The following ERC1 variants were observed in gnomAD, a reference collection of about 807,000 sequenced individuals.
ERC1 encodes RAB6 interacting protein 2.
Under a neutral mutation model 132.0 loss-of-function variants are expected in ERC1, and 56 were observed. The observed-to-expected ratio is 0.42, with a 90% CI of 0.34 to 0.53. ERC1 has a LOEUF of 0.53. ERC1 is among the 20% of genes least tolerant of loss of function. The pLI is 0.03. For synonymous variants in ERC1, 478 were observed against 476.1 expected, an observed-to-expected ratio of 1.00 and a Z score of -0.05; for missense variants, 1,202 against 1,349.9, an observed-to-expected ratio of 0.89 and a Z score of 1.72.
intron 2 of ERC1, among the ~76,000 whole-genome samples, chr12:1,029,169 T>C (rs904558122): frequency 1.3e-5 from 2 of 152,054 alleles, no homozygotes; most frequent in Admixed American, 1.3e-4. Context: ...CCTGGCGACG[T>C]GGTGAAACCC....
intron 3 of ERC1, among the ~76,000 whole-genome samples, chr12:1,092,523 G>A (rs1365157635): frequency 1.3e-5 from 2 of 152,176 alleles, no homozygotes; most frequent in African/African-American, 4.8e-5. Context: ...TTGTTGTTCA[G>A]TGTTTCTGCA....
chr12:1,367,777 G>A (rs945113871), intron 15 of ERC1, among the ~76,000 whole-genome samples: 2 of 151,942 alleles, frequency 1.3e-5, no homozygotes, highest in African/African-American at 4.8e-5. Flanking sequence ...CAGGTCAAAG[G>A]GCAGGTTCAA....
chr12:1,224,676 A>C (rs2074413590), intron 12 of ERC1, among the ~76,000 whole-genome samples: 1 of 152,066 alleles, frequency 6.6e-6, no homozygotes, highest in South Asian at 2.1e-4. Context: ...CTGTAAAAAA[A>C]TGATAAAAAA....
At chr12:1,242,958 C>T (rs1440042054) in intron 13 of ERC1, among the ~76,000 whole-genome samples, 5 of 151,896 alleles carry the variant, frequency 3.3e-5, no homozygotes, top group South Asian at 2.1e-4. Flanking sequence ...GAGGCCGAGG[C>T]GGGTGGATCA....
intron 15 of ERC1, among the ~76,000 whole-genome samples, chr12:1,357,127 C>T (rs1370960496): frequency 1.3e-5 from 2 of 152,114 alleles, no homozygotes; most frequent in Non-Finnish European, 2.9e-5. Flanking sequence ...ATTGGAGCAG[C>T]TCCTACTTTT....
At chr12:1,483,636 G>A (rs1355811032) in intron 18 of ERC1, among the ~76,000 whole-genome samples, 2 of 126,096 alleles carry the variant, frequency 1.6e-5, no homozygotes, top group Non-Finnish European at 1.6e-5. Flanking sequence ...TAAAGTAAAA[G>A]TAAAATCAAA....
chr12:1,122,555 C>CTGTGCCTATTGATATATCTGTATATA (rs1947613115), intron 7 of ERC1, among the ~76,000 whole-genome samples: 1 of 27,836 alleles, frequency 3.6e-5, no homozygotes, highest in African/African-American at 1.4e-4. Context: ...GTGTCTCTAT[C>CTGTGCCTATTGATATATCTGTATATA]TCTATCTCTA....
chr12:1,118,353 T>C (rs1946685120), intron 7 of ERC1, among the ~76,000 whole-genome samples: 1 of 152,240 alleles, frequency 6.6e-6, no homozygotes, highest in South Asian at 2.1e-4. Flanking sequence ...TGCTTCTCTT[T>C]GTACCCCCCT....
chr12:1,306,100 A>G (rs1213405602), intron 15 of ERC1, among the ~76,000 whole-genome samples: 3 of 152,204 alleles, frequency 2.0e-5, no homozygotes, highest in Admixed American at 6.5e-5. Flanking sequence ...GTATACTTTA[A>G]AGAAAAAAAA....
intron 15 of ERC1, among the ~76,000 whole-genome samples, chr12:1,344,671 A>T (rs984869890): frequency 2.0e-5 from 3 of 152,184 alleles, no homozygotes; most frequent in Non-Finnish European, 4.4e-5. Context: ...TTGGAACCTG[A>T]GCTCTCTAGG....
chr12:1,039,507 G>A (rs1034690714), intron 2 of ERC1, among the ~76,000 whole-genome samples: 2 of 151,486 alleles, frequency 1.3e-5, no homozygotes, highest in Admixed American at 1.3e-4. Context: ...TTCCACCTGG[G>A]TGACAGAGCA....
intron 12 of ERC1, among the ~76,000 whole-genome samples, chr12:1,215,979 T>C (rs1958368797): frequency 6.6e-6 from 1 of 152,212 alleles, no homozygotes; most frequent in African/African-American, 2.4e-5. Flanking sequence ...AATTAAGTCA[T>C]GTTTTACATA....
chr12:1,410,644 CT>C (rs200087458), intron 17 of ERC1, among the ~76,000 whole-genome samples: 6,604 of 126,794 alleles, frequency 0.052, 185 homozygotes, highest in Middle Eastern at 0.16. Flanking sequence ...GATTTTGTGG[CT>C]TTTTTTTTTT....
chr12:1,190,366 T>C (rs1341918609), intron 12 of ERC1, among the ~76,000 whole-genome samples: 2 of 152,200 alleles, frequency 1.3e-5, no homozygotes, highest in Non-Finnish European at 2.9e-5. Context: ...TGTCTACTTT[T>C]TAATTTCTCT....
At chr12:1,073,533 C>T (rs939070898) in intron 2 of ERC1, among the ~76,000 whole-genome samples, 1 of 151,696 alleles carries the variant, frequency 6.6e-6, no homozygotes, top group Middle Eastern at 3.4e-3. Flanking sequence ...CCTGTAATCC[C>T]AGCCACTTGG....
intron 7 of ERC1, among the ~76,000 whole-genome samples, chr12:1,123,621 T>C (rs1947822410): frequency 2.0e-5 from 3 of 152,228 alleles, no homozygotes; most frequent in African/African-American, 7.2e-5. Flanking sequence ...CACAGAGCAA[T>C]GTTATATGCT....
intron 15 of ERC1, among the ~76,000 whole-genome samples, chr12:1,370,913 A>G (rs541267365): frequency 6.6e-6 from 1 of 152,124 alleles, no homozygotes; most frequent in Non-Finnish European, 1.5e-5. Context: ...TGGTTTTGCC[A>G]TGTTGCCCAG....
intron 16 of ERC1, among the ~76,000 whole-genome samples, chr12:1,394,353 T>C (rs1489428705): frequency 6.6e-6 from 1 of 152,194 alleles, no homozygotes; most frequent in African/African-American, 2.4e-5. Flanking sequence ...TGAGCCGAGA[T>C]TGCGCCACTG....
At chr12:1,401,225 C>T (rs375737651) in intron 16 of ERC1, among the ~76,000 whole-genome samples, 42 of 152,024 alleles carry the variant, frequency 2.8e-4, no homozygotes, top group East Asian at 7.7e-4. Context: ...TGAGCCACCG[C>T]GCCCAGCCCT....
Sources: allele counts gnomAD v4.1 joint callset (sites outside exome capture counted in the v4.1 genomes callset), GRCh38; gene constraint gnomAD v4.1.1; transcripts MANE v1.5; gene names NCBI Gene and HGNC (gene_info 2026-07-23, HGNC 2026-07-21).